GATA4: variants seen among roughly 807,000 people sequenced by gnomAD.
The protein encoded by GATA4 is transcription factor GATA-4.
Under a neutral mutation model 37.9 loss-of-function variants are expected in GATA4, and 7 were observed. The observed-to-expected ratio is 0.18, with a 90% CI of 0.11 to 0.35. The LOEUF (loss-of-function observed/expected upper bound fraction) is 0.35, where lower values mean the gene tolerates loss of function less well. GATA4 is among the 10% of genes least tolerant of loss of function. The pLI is 1.00. For missense variants in GATA4, 647 were observed against 653.0 expected (o/e 0.99, Z 0.10); for synonymous variants, 372 against 292.6 (o/e 1.27, Z -2.77).
At chr8:11,757,879 A>G (rs1035167334) in intron 6 of GATA4, among the ~76,000 whole-genome samples, 1 of 152,224 alleles carries the variant, frequency 6.6e-6, no homozygotes, top group Non-Finnish European at 1.5e-5. Flanking sequence ...GCCGTGTCTT[A>G]GTGAGCTTCT....
rs1303528210 is a variant in GATA4, at chr8:11,755,147, C to A, written c.1000+14C>A. ...AGACACCAGCAGGTGAGGAAAAGAT[C>A]TGTGAGTGATTATATGAGTACATCA... On this transcript the variant is annotated intron_variant, in intron 5 of 6. Transcript: ENST00000532059. 1.3e-6 allele frequency: 2 copies of A among 1,597,828 alleles called. No homozygotes were observed. The highest frequency in any genetic ancestry group is 1.7e-6 in the Non-Finnish European group (2 of 1,165,610).
intron 1 of GATA4, chr8:11,681,239 T>C (rs1798961164): frequency 2.0e-6 from 2 of 985,160 alleles, no homozygotes; most frequent in Non-Finnish European, 2.4e-6. Context: ...GTTTGGGGAC[T>C]TACAGCTCGT....
intron 6 of GATA4, among the ~76,000 whole-genome samples, chr8:11,757,701 G>T (rs890549130): frequency 3.3e-5 from 5 of 152,212 alleles, no homozygotes; most frequent in African/African-American, 1.2e-4. Context: ...GTCAGGGGAC[G>T]CCCTGGGGCA....
At chr8:11,701,033 T>C (rs1375238885), upstream of GATA4, among the ~76,000 whole-genome samples, 1 of 152,164 alleles carries the variant, frequency 6.6e-6, no homozygotes, top group African/African-American at 2.4e-5. Flanking sequence ...GGGGAACCAG[T>C]GTTTAGATTG....
At chr8:11,681,506 G>GTT in intron 1 of GATA4, 5 of 937,450 alleles carry the variant, frequency 5.3e-6, no homozygotes, top group Non-Finnish European at 6.3e-6. Context: ...GGGGGGGGGG[G>GTT]GGATGGGGTC....
chr8:11,756,454 C>T (rs1010007355), intron 5 of GATA4: 18 of 233,170 alleles, frequency 7.7e-5, no homozygotes, highest in Middle Eastern at 1.8e-3. Flanking sequence ...CGCACGATTC[C>T]CAGTCCAAAA....
chr8:11,757,000 A>G lies in GATA4; in HGVS notation c.1066A>G (p.Thr356Ala), dbSNP rs1186652303. 1 of 1,614,176 alleles carries G rather than the reference A, an allele frequency of 6.2e-7. No homozygotes were observed. Among genetic ancestry groups the G allele is most frequent in the Non-Finnish European group, 8.5e-7 (1 of 1,180,044 alleles). ...GASSNSSNATTSSSEEMRPIK... is the reference protein window; with the variant it reads ...GASSNSSNATASSSEEMRPIK... ...TTCCAGCAACTCCAGCAACGCCACC[A>G]CCAGCAGCAGCGAGGAGATGCGTCC... is the stretch of plus-strand genomic sequence containing the variant. Residue 356 changes from threonine to alanine, a missense_variant, in exon 6 of 7, where the codon ACC (threonine) becomes GCC (alanine). Physicochemically the swap from Thr to Ala is moderately conservative, Grantham distance 58. This residue lies in a region of GATA4 where 184 missense variants were observed against 157.1 expected (regional missense o/e 1.17). Coordinates refer to ENST00000532059, the MANE Select transcript of GATA4 (RefSeq NM_001308093.3).
At chr8:11,700,488 G>C (rs901388908), upstream of GATA4, 1 of 152,270 alleles carries the variant, frequency 6.6e-6, no homozygotes, top group African/African-American at 2.4e-5. Flanking sequence ...AGCTGAATTC[G>C]TTCTCCATTT....
intron 2 of GATA4, among the ~76,000 whole-genome samples, chr8:11,730,377 C>T (rs1370685757): frequency 6.6e-6 from 1 of 152,148 alleles, no homozygotes; most frequent in Non-Finnish European, 1.5e-5. Flanking sequence ...ATCTATGGGC[C>T]CTTCTACCTC....
At chr8:11,732,766 A>C (rs371454835) in intron 2 of GATA4, among the ~76,000 whole-genome samples, 22 of 152,356 alleles carry the variant, frequency 1.4e-4, no homozygotes, top group East Asian at 1.3e-3. Context: ...CCCGAAGACC[A>C]GCACATCAGA....
At chr8:11,714,967 C>T (rs1024688552) in intron 2 of GATA4, among the ~76,000 whole-genome samples, 4 of 152,194 alleles carry the variant, frequency 2.6e-5, no homozygotes, top group Non-Finnish European at 5.9e-5. Flanking sequence ...GGATTTGTTC[C>T]ACAAGCACAC....
At chr8:11,742,952 TC>T (rs1429836978) in intron 2 of GATA4, among the ~76,000 whole-genome samples, 1 of 152,220 alleles carries the variant, frequency 6.6e-6, no homozygotes, top group Non-Finnish European at 1.5e-5. Flanking sequence ...GGCAGGTCCC[TC>T]CCCTCCTGCC....
upstream of GATA4, chr8:11,692,624 C>T (rs1177538414): frequency 1.0e-6 from 1 of 985,232 alleles, no homozygotes; most frequent in African/African-American, 1.7e-5. Context: ...CTTCTGGGGA[C>T]CCGCGGCCTC....
chr8:11,736,176 A>G (rs774917881), intron 2 of GATA4, among the ~76,000 whole-genome samples: 33 of 152,220 alleles, frequency 2.2e-4, no homozygotes, highest in Non-Finnish European at 4.3e-4. Flanking sequence ...AAGGGCTGGG[A>G]TTACAGGCCA....
upstream of GATA4, among the ~76,000 whole-genome samples, chr8:11,702,040 C>T (rs376782466): frequency 1.3e-5 from 2 of 152,342 alleles, no homozygotes; most frequent in South Asian, 2.1e-4. This position sits in a 1 kb window ranked among gnomAD's most constrained non-coding sequence, Gnocchi z 4.4. Context: ...GTTATAGCCC[C>T]ACCAGTGTAC....
chr8:11,725,773 C>T (rs1800892365), intron 2 of GATA4, among the ~76,000 whole-genome samples: 1 of 152,200 alleles, frequency 6.6e-6, no homozygotes, highest in South Asian at 2.1e-4. Context: ...CTTGGCAATC[C>T]ATCTGGTACT....
At chr8:11,681,330 C>T in intron 1 of GATA4, 1 of 985,422 alleles carries the variant, frequency 1.0e-6, no homozygotes, top group Non-Finnish European at 1.2e-6. Context: ...TCGACCTGCG[C>T]CCCAACCCAT....
chr8:11,704,073 C>G (rs1420353100), upstream of GATA4: 2 of 152,422 alleles, frequency 1.3e-5, no homozygotes, highest in African/African-American at 4.8e-5. Flanking sequence ...TCCGCACAGT[C>G]CCGCAGCCTG....
At position 11,755,030 on chromosome 8, in the gene GATA4, A is replaced by C. The variant is rs1802484971; in HGVS notation, c.913-16A>C. On this transcript the variant is annotated splice_polypyrimidine_tract_variant and intron_variant, in intron 4 of 6. Transcript: ENST00000532059. ...CAGAAATGGAAAACCCTATATATTT[A>C]CTTGTGACCCTCCAGGTCCCCAGGC... The C allele has an allele frequency of 5.0e-6, 8 of 1,604,602 alleles. No homozygotes were observed. The highest frequency in any genetic ancestry group is 6.8e-6 in the Non-Finnish European group (8 of 1,171,672).
Sources: gnomAD v4.1 joint callset for allele counts (sites outside exome capture counted in the v4.1 genomes callset) on GRCh38, gnomAD v4.1.1 for gene constraint, gnomAD v4.1.1 regional missense constraint, Gnocchi (gnomAD v3.1) non-coding constraint, MANE v1.5 for transcripts, NCBI Gene and HGNC (gene_info 2026-07-23, HGNC 2026-07-21) for gene names.